Variants in ALPK1 observed in about 807,000 individuals in gnomAD.
ALPK1 encodes the protein alpha kinase 1, also known as alpha-protein kinase 1.
ALPK1 carries 110 observed loss-of-function variants against 120.6 expected under a neutral mutation model. The observed-to-expected ratio is 0.91, with a 90% CI of 0.78 to 1.07. ALPK1 has a LOEUF of 1.07. ALPK1 is among the 50% of genes least tolerant of loss of function. The pLI is 0.00. For missense variants in ALPK1, 1,498 were observed against 1,483.9 expected (o/e 1.01, Z -0.16); for synonymous variants, 582 against 560.3 (o/e 1.04, Z -0.55).
intron 2 of ALPK1, among the ~76,000 whole-genome samples, chr4:112,333,388 C>A (rs779928115): frequency 7.2e-5 from 11 of 152,180 alleles, no homozygotes; most frequent in Non-Finnish European, 1.6e-4. Flanking sequence ...CTAGGACTAT[C>A]CCTGGAACAT....
chr4:112,324,682 G>A (rs1343599761), intron 2 of ALPK1, among the ~76,000 whole-genome samples: 1 of 151,956 alleles, frequency 6.6e-6, no homozygotes, highest in Non-Finnish European at 1.5e-5. Flanking sequence ...CTCGCTATGT[G>A]CCCAGGCTGG....
chr4:112,377,744 T>G lies in ALPK1; in HGVS notation c.-34T>G. 1.3e-6 allele frequency: 2 copies of G among 1,590,748 alleles called. No individual in the cohort carries two copies. Among genetic ancestry groups the G allele is most frequent in the South Asian group, 2.3e-5 (2 of 87,832 alleles). ...TCTTCTCCTAGGTAATTGATCACCC[T>G]AGACCCAGGGACACCCAATTCATCG... On this transcript the variant is annotated 5_prime_UTR_variant, in exon 3 of 16. Transcript: ENST00000650871.
In ALPK1 at chr4:112,441,061, T is replaced by A. The variant is rs989254080; in HGVS notation, c.3683T>A (p.Ile1228Asn). Reference protein sequence around the residue: ...FNNQHVECNEICHRLSLTRPS... With the variant: ...FNNQHVECNENCHRLSLTRPS... The stretch of plus-strand genomic sequence containing the variant: ...AACCAGCATGTGGAATGTAATGAAA[T>A]CTGCCATCGTCTTTCTTTGACTAGA... Residue 1228 changes from isoleucine to asparagine, a missense_variant, in exon 15 of 16, where the codon ATC becomes AAC. Transcript: ENST00000650871. 6 of 1,613,812 alleles carry A rather than the reference T, an allele frequency of 3.7e-6. No homozygotes were observed. Among genetic ancestry groups the A allele is most frequent in the Non-Finnish European group, 5.1e-6 (6 of 1,179,860 alleles).
chr4:112,325,894 C>G (rs1729095219), intron 2 of ALPK1, among the ~76,000 whole-genome samples: 1 of 152,166 alleles, frequency 6.6e-6, no homozygotes, highest in Non-Finnish European at 1.5e-5. Flanking sequence ...CCCTTCTACC[C>G]TCCCAAAGGA....
chr4:112,328,651 T>C (rs1294013966), intron 2 of ALPK1, among the ~76,000 whole-genome samples: 2 of 152,224 alleles, frequency 1.3e-5, no homozygotes, highest in Non-Finnish European at 2.9e-5. Flanking sequence ...AATACTTTTG[T>C]GTAATCTCTA....
intron 2 of ALPK1, among the ~76,000 whole-genome samples, chr4:112,341,670 T>C (rs1197342650): frequency 6.6e-6 from 1 of 151,846 alleles, no homozygotes; most frequent in African/African-American, 2.4e-5. Flanking sequence ...TAAGGAGGAG[T>C]GTGGGGTGAA....
At chr4:112,359,050 A>C in intron 2 of ALPK1, 1 of 760,106 alleles carries the variant, frequency 1.3e-6, no homozygotes, top group South Asian at 1.3e-5. Context: ...CCCCAAAGGC[A>C]GCGGACACAG....
intron 1 of ALPK1, among the ~76,000 whole-genome samples, chr4:112,302,066 A>G (rs772915457): frequency 6.6e-6 from 1 of 152,006 alleles, no homozygotes; most frequent in Non-Finnish European, 1.5e-5. Flanking sequence ...CAAATTTTAT[A>G]CTTCAGTATC....
At chr4:112,367,361 A>G (rs1002683072) in intron 2 of ALPK1, among the ~76,000 whole-genome samples, 5 of 152,178 alleles carry the variant, frequency 3.3e-5, no homozygotes, top group African/African-American at 1.2e-4. Flanking sequence ...GGAGAATTTT[A>G]GTTTTCCTTT....
rs1415799804 is a variant in ALPK1 at position 112,432,782 on chromosome 4, C to T, written c.3034+201C>T. On this transcript the variant is annotated intron_variant, in intron 11 of 15. Transcript: ENST00000650871. ...CTTAATGGTTGTAAAGAAGCTTGCT[C>T]AGGCTACCTTGCATGCTGGAGGTTT... Among the ~76,000 whole-genome samples, 6 of 152,326 alleles carry T rather than the reference C, an allele frequency of 3.9e-5. 1 individual carries two copies. The Middle Eastern group carries it at 0.017, about 432-fold the overall frequency.
At chr4:112,334,324 T>A (rs1729517153) in intron 2 of ALPK1, among the ~76,000 whole-genome samples, 1 of 151,892 alleles carries the variant, frequency 6.6e-6, no homozygotes, top group South Asian at 2.1e-4. Context: ...TCCTAGCTAC[T>A]TGGGAGGCTG....
chr4:112,348,316 T>C (rs1730184507), intron 2 of ALPK1, among the ~76,000 whole-genome samples: 1 of 152,268 alleles, frequency 6.6e-6, no homozygotes, highest in Non-Finnish European at 1.5e-5. Context: ...GGCCTGGTTT[T>C]CTAAACAAGT....
chr4:112,304,262 C>G (rs568409802), intron 1 of ALPK1, among the ~76,000 whole-genome samples: 1 of 152,158 alleles, frequency 6.6e-6, no homozygotes, highest in East Asian at 1.9e-4. Context: ...TGGGTATATA[C>G]CCAGTAATGG....
chr4:112,378,953 G>T (rs1731783648), intron 3 of ALPK1, among the ~76,000 whole-genome samples: 1 of 152,160 alleles, frequency 6.6e-6, no homozygotes, highest in African/African-American at 2.4e-5. Context: ...GTGTGACTTT[G>T]CTTCCTGGCT....
chr4:112,344,428 G>A (rs1032426914), intron 2 of ALPK1, among the ~76,000 whole-genome samples: 1 of 152,332 alleles, frequency 6.6e-6, no homozygotes, highest in South Asian at 2.1e-4. Context: ...TATAGTTAAA[G>A]TATGGAGTTT....
intron 2 of ALPK1, chr4:112,356,933 C>A: frequency 1.3e-6 from 1 of 759,660 alleles, no homozygotes; most frequent in Non-Finnish European, 2.4e-6. Flanking sequence ...TGACCTGACC[C>A]CCCATGACCC....
At chr4:112,409,707 T>G (rs1733363616) in intron 4 of ALPK1, among the ~76,000 whole-genome samples, 1 of 152,194 alleles carries the variant, frequency 6.6e-6, no homozygotes, top group Non-Finnish European at 1.5e-5. Flanking sequence ...GCCCACTTTA[T>G]TCTTCTAAAA....
intron 2 of ALPK1, among the ~76,000 whole-genome samples, chr4:112,333,962 G>C (rs1729502135): frequency 6.6e-6 from 1 of 151,598 alleles, no homozygotes; most frequent in South Asian, 2.1e-4. Flanking sequence ...GCATAAATAG[G>C]CTTTATTTTT....
At chr4:112,398,732 C>T (rs1184314323) in intron 4 of ALPK1, among the ~76,000 whole-genome samples, 2 of 152,096 alleles carry the variant, frequency 1.3e-5, no homozygotes, top group African/African-American at 2.4e-5. Flanking sequence ...GAGGCAAGAG[C>T]AGGGACCCTA....
Sources: allele counts gnomAD v4.1 joint callset (sites outside exome capture counted in the v4.1 genomes callset), GRCh38; gene constraint gnomAD v4.1.1; transcripts MANE v1.5; gene names NCBI Gene and HGNC (gene_info 2026-07-23, HGNC 2026-07-21).